The following PITHD1 variants were observed in gnomAD, a reference collection of about 807,000 sequenced individuals.
PITHD1 encodes PITH domain-containing protein 1.
Under a neutral mutation model 27.5 loss-of-function variants are expected in PITHD1, and 8 were observed. That is an observed-to-expected ratio of 0.29 (90% confidence interval 0.17 to 0.52). The LOEUF is 0.52. Ranked by LOEUF, PITHD1 falls within the 20% of genes least tolerant of loss-of-function variation. The pLI, the probability that PITHD1 is intolerant of heterozygous loss-of-function variation, is 0.96. For synonymous variants in PITHD1, 118 were observed against 106.8 expected, an observed-to-expected ratio of 1.10 and a Z score of -0.64; for missense variants, 233 against 283.9, an observed-to-expected ratio of 0.82 and a Z score of 1.29.
rs560081781 is a variant in PITHD1 at position 23,779,420 on chromosome 1, C to G, written c.199-18C>G. The G allele has an allele frequency of 3.1e-6, 5 of 1,605,232 alleles. No homozygotes were observed. The highest frequency in any genetic ancestry group is 1.6e-4 in the Middle Eastern group (1 of 6,070). ...AAATATTTGTTGCTTTCTCCTCCCC[C>G]CTCCCCATCCCCTCCAGTTTGTTGA... On this transcript the variant is annotated intron_variant, in intron 1 of 5. Transcript: ENST00000246151.
chr1:23,778,691 A>G lies in PITHD1; in HGVS notation c.176A>G (p.Glu59Gly), dbSNP rs1638548175. The part of the protein sequence containing the change: ...GSGRGVFKPW[E>G]ERTDRSKFVE... ...GGCCGCGGCGTCTTCAAGCCGTGGG[A>G]GGAGCGGACCGACCGCTCCAAGGTG... Residue 59 changes from glutamate to glycine, a missense_variant, in exon 1 of 6, where the codon GAG becomes GGG. Transcript: ENST00000246151. The G allele has an allele frequency of 1.5e-6, 2 of 1,305,572 alleles. No homozygotes were observed. The highest frequency in any genetic ancestry group is 1.9e-6 in the Non-Finnish European group (2 of 1,029,284). 80.9% of individuals were successfully genotyped at this position (1,305,572 alleles called of 1,614,324 possible).
intron 3 of PITHD1, among the ~76,000 whole-genome samples, chr1:23,782,013 C>T (rs1362697805): frequency 6.6e-6 from 1 of 152,092 alleles, no homozygotes; most frequent in Admixed American, 6.5e-5. Context: ...TCAATTAATA[C>T]AGAAAAAATG....
At chr1:23,782,026 A>G (rs182711897) in intron 3 of PITHD1, among the ~76,000 whole-genome samples, 421 of 152,354 alleles carry the variant, frequency 2.8e-3, no homozygotes, top group African/African-American at 9.6e-3. Flanking sequence ...AAAAAATGCT[A>G]TTGAACTATG....
rs1053202109 is a variant in PITHD1, at chr1:23,779,636, G to T, written c.242+155G>T. The T allele has an allele frequency of 1.5e-5, 10 of 686,708 alleles. No homozygotes were observed. The Admixed American group carries it at 2.3e-4, about 15-fold the overall frequency. The allele number at this position is 686,708 out of a possible 1,614,324, so 42.5% of individuals were successfully genotyped here. On this transcript the variant is annotated intron_variant, in intron 2 of 5. Coordinates refer to ENST00000246151, the MANE Select transcript of PITHD1 (RefSeq NM_020362.5). ...AGGAGGAAAGCATCATAGCTTTCTT[G>T]GTGCAGACTGGAAACAGATGTATTT... is the stretch of plus-strand genomic sequence containing the variant.
At chr1:23,786,889 G>A (rs1432332621) in intron 5 of PITHD1, among the ~76,000 whole-genome samples, 1 of 152,068 alleles carries the variant, frequency 6.6e-6, no homozygotes, top group East Asian at 1.9e-4. Context: ...ACCTTGCCCA[G>A]CCTGAAATTG....
intron 3 of PITHD1, among the ~76,000 whole-genome samples, chr1:23,783,969 A>G (rs1186799716): frequency 6.6e-6 from 1 of 152,140 alleles, no homozygotes; most frequent in Non-Finnish European, 1.5e-5. Flanking sequence ...CTTAGAATCG[A>G]TTCAATTTCA....
chr1:23,783,339 G>GTA (rs1456371380), intron 3 of PITHD1, among the ~76,000 whole-genome samples: 3 of 148,128 alleles, frequency 2.0e-5, no homozygotes, highest in African/African-American at 5.0e-5. Flanking sequence ...ACATATATGT[G>GTA]TATATATACA....
Position 23,778,601 on chromosome 1 carries a change from A to G in PITHD1, c.86A>G (p.Tyr29Cys). ...EEPPEQRGLA[Y>C]GLYLRIDLER... is the part of the protein sequence containing the mutation. Reference sequence around the variant, plus strand: ...CCGCCCGAGCAGCGCGGCCTGGCCTACGGCCTGTACCTGCGCATCGACCTG... The same window carrying G: ...CCGCCCGAGCAGCGCGGCCTGGCCTGCGGCCTGTACCTGCGCATCGACCTG... The change falls in exon 1 of 6, where the codon TAC (tyrosine) becomes TGC (cysteine). Residue 29 changes from tyrosine (Y) to cysteine (C), a missense_variant. Physicochemically the swap from Tyr to Cys is radical, Grantham distance 194. Coordinates refer to ENST00000246151, the MANE Select transcript of PITHD1 (RefSeq NM_020362.5). The G allele has an allele frequency of 2.3e-6, 3 of 1,329,168 alleles. No individual in the cohort carries two copies. The highest frequency in any genetic ancestry group is 2.9e-6 in the Non-Finnish European group (3 of 1,041,034). The allele number at this position is 1,329,168 out of a possible 1,614,324, so 82.3% of individuals were successfully genotyped here. A position where few individuals can be genotyped will look rare whatever the true frequency, so the allele number is the denominator to read the frequency against.
At chr1:23,780,069 C>T in intron 3 of PITHD1, 128 bp downstream of exon 3, 1 of 662,244 alleles carries the variant, frequency 1.5e-6, no homozygotes, top group South Asian at 1.8e-5. Flanking sequence ...TATCTTGGTC[C>T]TGTTCTCATT....
At chr1:23,783,567 T>G (rs1251191199) in intron 3 of PITHD1, among the ~76,000 whole-genome samples, 1 of 151,884 alleles carries the variant, frequency 6.6e-6, no homozygotes, top group East Asian at 1.9e-4. Flanking sequence ...TTCTCTTGCT[T>G]CAGCCTCCTG....
At chr1:23,779,306 G>A in intron 1 of PITHD1, 132 bp from the exon 2 acceptor site, 1 of 724,786 alleles carries the variant, frequency 1.4e-6, no homozygotes, top group Non-Finnish European at 2.4e-6. Context: ...AAGTTAATAA[G>A]TCTTGGAAAA....
At chr1:23,781,374 A>G (rs1034170379) in intron 3 of PITHD1, among the ~76,000 whole-genome samples, 2 of 152,002 alleles carry the variant, frequency 1.3e-5, no homozygotes, top group South Asian at 4.2e-4. Context: ...GAAGCATGAG[A>G]ATCACTTGAA....
Position 23,779,421 on chromosome 1 carries a change from CT to C in PITHD1, c.199-16del. The C allele has an allele frequency of 1.2e-6, 2 of 1,606,214 alleles. No individual in the cohort carries two copies. The highest frequency in any genetic ancestry group is 2.2e-5 in the East Asian group (1 of 44,850). ...AATATTTGTTGCTTTCTCCTCCCCC[CT>C]CCCCATCCCCTCCAGTTTGTTGAAA... On this transcript the variant is annotated splice_polypyrimidine_tract_variant and intron_variant, in intron 1 of 5. Transcript: ENST00000246151.
rs1359759881 is a variant in PITHD1, at chr1:23,779,892, A to G, written c.271A>G (p.Ile91Val). The G allele has an allele frequency of 1.2e-5, 19 of 1,613,694 alleles. No homozygotes were observed. Among genetic ancestry groups the G allele is most frequent in the East Asian group, 2.2e-5 (1 of 44,886 alleles). Reference sequence around the variant, plus strand: ...TACGGGCAATGTCAAGCTCAAAGGCATCATTATAATGGGAGAGGATGATGA... The same window carrying G: ...TACGGGCAATGTCAAGCTCAAAGGCGTCATTATAATGGGAGAGGATGATGA... ...PFTGNVKLKG[I>V]IIMGEDDDSH... Residue 91 changes from isoleucine to valine, a missense_variant, in exon 3 of 6, where the codon ATC becomes GTC. Coordinates refer to ENST00000246151, the MANE Select transcript of PITHD1 (RefSeq NM_020362.5).
intron 3 of PITHD1, among the ~76,000 whole-genome samples, chr1:23,781,197 AAAT>A (rs1638591180): frequency 6.6e-6 from 1 of 151,386 alleles, no homozygotes. Flanking sequence ...CAAAAGAAAA[AAAT>A]AATTCAAATC....
At chr1:23,780,342 T>A (rs1638578976) in intron 3 of PITHD1, among the ~76,000 whole-genome samples, 5 of 152,110 alleles carry the variant, frequency 3.3e-5, no homozygotes, top group Admixed American at 3.3e-4. Flanking sequence ...ATGTGTTTTG[T>A]TGACATGGAA....
intron 5 of PITHD1, among the ~76,000 whole-genome samples, chr1:23,786,638 TAA>T (rs1638688932): frequency 6.8e-6 from 1 of 146,398 alleles, no homozygotes. Flanking sequence ...ATAATATATA[TAA>T]TATATATATA....
chr1:23,780,389 A>G (rs570641393), intron 3 of PITHD1, among the ~76,000 whole-genome samples: 1 of 152,310 alleles, frequency 6.6e-6, no homozygotes, highest in South Asian at 2.1e-4. Flanking sequence ...TTAGTTAGCA[A>G]AGTTGTGTAT....
chr1:23,787,313 A>G lies in PITHD1; in HGVS notation c.573A>G (p.Ala191=), dbSNP rs1199391360. Residue 191 remains alanine, a synonymous_variant, in exon 6 of 6, where the codon GCA becomes GCG. Transcript: ENST00000246151. ...RHEVTICNYE[A]SANPADHRVH... ...AGGTGACCATCTGCAATTACGAAGC[A>G]TCTGCCAACCCAGCAGACCATAGGG... 8 of 1,613,818 alleles carry G rather than the reference A, an allele frequency of 5.0e-6. No homozygotes were observed. The South Asian group carries it at 8.8e-5, about 18-fold the overall frequency.
Sources: gnomAD v4.1 joint callset for allele counts (sites outside exome capture counted in the v4.1 genomes callset) on GRCh38, gnomAD v4.1.1 for gene constraint, MANE v1.5 for transcripts, NCBI Gene and HGNC (gene_info 2026-07-23, HGNC 2026-07-21) for gene names.